DOK6: variants seen among roughly 807,000 people sequenced by gnomAD.
DOK6 encodes downstream of tyrosine kinase 6.
A neutral mutation model predicts 44.0 loss-of-function variants in DOK6; 22 were observed. The observed-to-expected ratio is 0.50, with a 90% CI of 0.36 to 0.71. The LOEUF is 0.71. Ranked by LOEUF, DOK6 falls within the 30% of genes least tolerant of loss-of-function variation. The pLI, the probability that DOK6 is intolerant of heterozygous loss-of-function variation, is 0.00. For missense variants in DOK6, 340 were observed against 416.4 expected (o/e 0.82, Z 1.60); for synonymous variants, 166 against 145.5 (o/e 1.14, Z -1.01).
intron 3 of DOK6, among the ~76,000 whole-genome samples, chr18:69,653,163 G>A (rs1486772613): frequency 6.6e-6 from 1 of 152,134 alleles, no homozygotes; most frequent in African/African-American, 2.4e-5. Flanking sequence ...CACCATGTTT[G>A]GGTGAGTCTA....
intron 3 of DOK6, among the ~76,000 whole-genome samples, chr18:69,640,850 T>TC (rs1158163199): frequency 6.6e-6 from 1 of 152,086 alleles, no homozygotes; most frequent in Non-Finnish European, 1.5e-5. Context: ...AATGCCAGCA[T>TC]CCCCCAGTAA....
chr18:69,818,614 C>T (rs1449731198), intron 7 of DOK6, among the ~76,000 whole-genome samples: 3 of 152,160 alleles, frequency 2.0e-5, no homozygotes, highest in Non-Finnish European at 4.4e-5. Flanking sequence ...TTCCTCATAA[C>T]GGACCTTAAT....
At chr18:69,667,841 A>T (rs1259551605) in intron 3 of DOK6, among the ~76,000 whole-genome samples, 1 of 152,072 alleles carries the variant, frequency 6.6e-6, no homozygotes, top group Non-Finnish European at 1.5e-5. Flanking sequence ...TAGTTCCGTG[A>T]CTTTAAAAGG....
At chr18:69,533,703 G>A (rs1982046128) in intron 1 of DOK6, among the ~76,000 whole-genome samples, 1 of 151,992 alleles carries the variant, frequency 6.6e-6, no homozygotes. Flanking sequence ...AGTTTTAGTA[G>A]ACTGTATTAT....
intron 1 of DOK6, among the ~76,000 whole-genome samples, chr18:69,533,134 C>G (rs1175710481): frequency 6.6e-6 from 1 of 151,762 alleles, no homozygotes; most frequent in Non-Finnish European, 1.5e-5. Context: ...CTTTGCACCT[C>G]CAGAAAAAAA....
At position 69,583,124 on chromosome 18, in the gene DOK6, T is replaced by C. The variant is rs1983408011; in HGVS notation, c.175-16260T>C. On this transcript the variant is annotated intron_variant, in intron 2 of 7. Coordinates refer to ENST00000382713, the MANE Select transcript of DOK6 (RefSeq NM_152721.6). ...ATATGTAGATAACTTACATATGTAC[T>C]ACAGATGGTTTTCCAGAATGGCAGT... Among the ~76,000 whole-genome samples, 4 of 152,240 alleles carry C rather than the reference T, an allele frequency of 2.6e-5. No individual in the cohort carries two copies. In the South Asian group the frequency reaches 8.3e-4, roughly 32 times the overall value.
At chr18:69,528,159 T>C (rs1477802043) in intron 1 of DOK6, among the ~76,000 whole-genome samples, 3 of 106,266 alleles carry the variant, frequency 2.8e-5, no homozygotes, top group Admixed American at 2.1e-4. Context: ...CGAGACTCTG[T>C]CTCAAAAAAA....
At chr18:69,415,811 C>T (rs781198060) in intron 1 of DOK6, among the ~76,000 whole-genome samples, 258 of 152,124 alleles carry the variant, frequency 1.7e-3, no homozygotes, top group Non-Finnish European at 2.0e-3. Context: ...TTTACCTCAA[C>T]CTTACGATTC....
At chr18:69,685,008 T>C (rs1326423955) in intron 4 of DOK6, among the ~76,000 whole-genome samples, 1 of 152,134 alleles carries the variant, frequency 6.6e-6, no homozygotes, top group Non-Finnish European at 1.5e-5. Flanking sequence ...CTCCTGTGAC[T>C]AAATCACTTC....
At chr18:69,448,171 A>G (rs1222477084) in intron 1 of DOK6, among the ~76,000 whole-genome samples, 3 of 152,176 alleles carry the variant, frequency 2.0e-5, no homozygotes, top group Admixed American at 1.3e-4. Context: ...GATTTCTTAC[A>G]CTGATGCAGC....
intron 7 of DOK6, among the ~76,000 whole-genome samples, chr18:69,833,395 TATAAAA>T (rs1981957968): frequency 6.6e-6 from 1 of 152,104 alleles, no homozygotes; most frequent in African/African-American, 2.4e-5. Flanking sequence ...TTTCACCACA[TATAAAA>T]ATAAACTCAA....
chr18:69,805,622 A>G (rs937000785), intron 7 of DOK6, among the ~76,000 whole-genome samples: 1 of 152,176 alleles, frequency 6.6e-6, no homozygotes, highest in Non-Finnish European at 1.5e-5. Flanking sequence ...GTTAAGAGCC[A>G]TCTCATGAAT....
chr18:69,665,291 A>C (rs1276324580), intron 3 of DOK6, among the ~76,000 whole-genome samples: 1 of 152,212 alleles, frequency 6.6e-6, no homozygotes, highest in African/African-American at 2.4e-5. Flanking sequence ...CCCTACAGCC[A>C]GTCCAGATGT....
At chr18:69,657,957 G>A (rs1452572513) in intron 3 of DOK6, among the ~76,000 whole-genome samples, 2 of 151,896 alleles carry the variant, frequency 1.3e-5, no homozygotes, top group East Asian at 3.9e-4. Context: ...TTGTTTGTTT[G>A]TTTGTTTGCT....
intron 6 of DOK6, among the ~76,000 whole-genome samples, chr18:69,755,512 G>A (rs189859884): frequency 6.6e-5 from 10 of 152,346 alleles, no homozygotes; most frequent in Non-Finnish European, 1.3e-4. Context: ...GGGCATTGCT[G>A]ACATGAATTG....
At chr18:69,491,615 T>C (rs1980736295) in intron 1 of DOK6, among the ~76,000 whole-genome samples, 1 of 152,216 alleles carries the variant, frequency 6.6e-6, no homozygotes, top group Non-Finnish European at 1.5e-5. Flanking sequence ...GCAAAATGTT[T>C]AGGTTGTTAG....
chr18:69,503,872 A>G (rs1234957619), intron 1 of DOK6, among the ~76,000 whole-genome samples: 1 of 152,092 alleles, frequency 6.6e-6, no homozygotes, highest in African/African-American at 2.4e-5. Flanking sequence ...CTCTGGAACA[A>G]TAGAAGAAAA....
intron 6 of DOK6, among the ~76,000 whole-genome samples, chr18:69,753,455 G>A (rs993487999): frequency 4.6e-5 from 7 of 152,110 alleles, no homozygotes; most frequent in East Asian, 1.9e-4. Context: ...GAGATGTGTC[G>A]GTTGTCCCTC....
At chr18:69,678,049 G>C (rs1477924857) in intron 4 of DOK6, among the ~76,000 whole-genome samples, 196 bp downstream of exon 4, 1 of 152,152 alleles carries the variant, frequency 6.6e-6, no homozygotes, top group Non-Finnish European at 1.5e-5. Flanking sequence ...AGGAGTTCGA[G>C]ACCAGCCTGG....
Sources: allele counts gnomAD v4.1 joint callset (sites outside exome capture counted in the v4.1 genomes callset), GRCh38; gene constraint gnomAD v4.1.1; transcripts MANE v1.5; gene names NCBI Gene and HGNC (gene_info 2026-07-23, HGNC 2026-07-21).